TRUB1: variants seen among roughly 807,000 people sequenced by gnomAD.
TRUB1 encodes the protein pseudouridylate synthase TRUB1.
A neutral mutation model predicts 33.9 loss-of-function variants in TRUB1; 23 were observed. That is an observed-to-expected ratio of 0.68 (90% CI 0.49 to 0.96). The LOEUF is 0.96. Ranked by LOEUF, TRUB1 falls within the 40% of genes least tolerant of loss-of-function variation. TRUB1 has a pLI of 0.00. For missense variants in TRUB1, 378 were observed against 422.2 expected (o/e 0.90, Z 0.92); for synonymous variants, 163 against 165.4 (o/e 0.99, Z 0.11).
chr10:114,975,182 C>G lies in TRUB1; in HGVS notation c.853C>G (p.Leu285Val). 1 of 1,613,604 alleles carries G rather than the reference C, an allele frequency of 6.2e-7. No homozygotes were observed. Among genetic ancestry groups the G allele is most frequent in the Non-Finnish European group, 8.5e-7 (1 of 1,179,694 alleles). ...LTRTKQGPFT[L>V]EEHALPEDKW... ...CCGAACCAAACAGGGACCATTTACG[C>G]TAGAAGAACATGCCCTTCCTGAAGA... Residue 285 changes from leucine (L) to valine (V), a missense_variant, in exon 8 of 8, where the codon CTA becomes GTA. By Grantham distance (32) the Leu-to-Val change is conservative. Coordinates refer to ENST00000298746, the MANE Select transcript of TRUB1 (RefSeq NM_139169.5).
chr10:114,945,924 G>A (rs545954477), intron 2 of TRUB1, among the ~76,000 whole-genome samples: 1 of 152,278 alleles, frequency 6.6e-6, no homozygotes, highest in South Asian at 2.1e-4. Context: ...GGAATTTTAT[G>A]ATGATATAAT....
At chr10:114,946,285 T>C (rs1592048628) in intron 2 of TRUB1, among the ~76,000 whole-genome samples, 1 of 152,308 alleles carries the variant, frequency 6.6e-6, no homozygotes, top group East Asian at 1.9e-4. Flanking sequence ...AAAATACCTA[T>C]AGTATATAGA....
intron 4 of TRUB1, among the ~76,000 whole-genome samples, chr10:114,964,991 A>C (rs577479930): frequency 6.9e-6 from 1 of 145,432 alleles, no homozygotes; most frequent in African/African-American, 2.6e-5. Flanking sequence ...GTGCAGTAGC[A>C]CAATCTTGGC....
In TRUB1 at chr10:114,942,701, G is replaced by C. The variant is rs2084193773; in HGVS notation, c.343G>C (p.Gly115Arg). 6.2e-7 allele frequency: 1 copy of C among 1,613,932 alleles called. No individual in the cohort carries two copies. ...TKRKKQTLKI[G>R]HGGTLDSAAR... Reference sequence around the variant, plus strand: ...GAGGAAAAAGCAGACTTTGAAAATTGGGCATGGAGGGACTCTAGACAGCGC... The same window carrying C: ...GAGGAAAAAGCAGACTTTGAAAATTCGGCATGGAGGGACTCTAGACAGCGC... The change falls in exon 2 of 8, where the codon GGG (glycine) becomes CGG (arginine). Residue 115 changes from glycine (G) to arginine (R), a missense_variant. By Grantham distance (125) the Gly-to-Arg change is moderately radical. Transcript: ENST00000298746.
At chr10:114,952,236 C>T (rs1455107618) in intron 3 of TRUB1, among the ~76,000 whole-genome samples, 4 of 151,690 alleles carry the variant, frequency 2.6e-5, no homozygotes, top group Admixed American at 2.6e-4. Context: ...GTCAGGATTT[C>T]GAGACCAGCC....
chr10:114,972,390 A>G, intron 6 of TRUB1, 116 bp downstream of exon 6: 3 of 1,216,380 alleles, frequency 2.5e-6, no homozygotes, highest in South Asian at 3.2e-5. Flanking sequence ...TAAAATTTGA[A>G]TTTAAGGAAA....
chr10:114,956,726 T>G (rs760816135), intron 3 of TRUB1, among the ~76,000 whole-genome samples: 1 of 152,202 alleles, frequency 6.6e-6, no homozygotes, highest in Non-Finnish European at 1.5e-5. Context: ...TTTCAGAGAT[T>G]ACTAGATGTG....
At chr10:114,967,772 CG>C (rs1564701442) in intron 4 of TRUB1, among the ~76,000 whole-genome samples, 3 of 151,986 alleles carry the variant, frequency 2.0e-5, no homozygotes, top group African/African-American at 7.3e-5. Context: ...GTCATAAGAA[CG>C]ATTATTATTA....
rs994473227 is a variant in TRUB1 at position 114,977,651 on chromosome 10, A to C, written c.*2272A>C. The C allele has an allele frequency of 2.6e-5, 4 of 152,016 alleles. No individual in the cohort carries two copies. Among genetic ancestry groups the C allele is most frequent in the African/African-American group, 9.7e-5 (4 of 41,450 alleles). 9.4% of individuals were successfully genotyped at this position (152,016 alleles called of 1,614,324 possible). On this transcript the variant is annotated 3_prime_UTR_variant, in exon 8 of 8. Coordinates refer to ENST00000298746, the MANE Select transcript of TRUB1 (RefSeq NM_139169.5). ...ATCTGTATACTTTGTTCATTTATATAAATAAATGTCTTAATGGTTTCTATA... is the reference window on the plus strand; with the variant it reads ...ATCTGTATACTTTGTTCATTTATATCAATAAATGTCTTAATGGTTTCTATA...
At chr10:114,952,562 A>G (rs1287571467) in intron 3 of TRUB1, among the ~76,000 whole-genome samples, 1 of 152,218 alleles carries the variant, frequency 6.6e-6, no homozygotes, top group Non-Finnish European at 1.5e-5. Flanking sequence ...GATTGATTTT[A>G]AAAAGCCTCG....
chr10:114,974,233 A>G (rs781221928), intron 6 of TRUB1, 96 bp from the exon 7 acceptor site: 2 of 845,636 alleles, frequency 2.4e-6, no homozygotes, highest in Admixed American at 2.1e-5. Flanking sequence ...AATTGTTTGC[A>G]TAGTGCATTT....
chr10:114,976,303 T>A lies in TRUB1; in HGVS notation c.*924T>A, dbSNP rs1339508169. Reference sequence around the variant, plus strand: ...CTTACAGATGTTGAGATGGCTGCCCTGCATTTCCAGCTAATCTCTTCTGCT... The same window carrying A: ...CTTACAGATGTTGAGATGGCTGCCCAGCATTTCCAGCTAATCTCTTCTGCT... On this transcript the variant is annotated 3_prime_UTR_variant, in exon 8 of 8. Transcript: ENST00000298746. The A allele has an allele frequency of 1.3e-5, 2 of 152,184 alleles. No homozygotes were observed. The highest frequency in any genetic ancestry group is 2.4e-5 in the African/African-American group (1 of 41,456). The allele number at this position is 152,184 out of a possible 1,614,324, so 9.4% of individuals were successfully genotyped here. A position where few individuals can be genotyped will look rare whatever the true frequency, so the allele number is the denominator to read the frequency against.
chr10:114,968,537 TGC>T (rs879742879), intron 4 of TRUB1, among the ~76,000 whole-genome samples: 2,847 of 152,346 alleles, frequency 0.019, 79 homozygotes, highest in African/African-American at 0.063. Context: ...GTCTTAATGT[TGC>T]TGTAGACTAA....
intron 2 of TRUB1, 45 bp from the exon 3 acceptor site, chr10:114,951,049 G>T: frequency 6.5e-7 from 1 of 1,540,218 alleles, no homozygotes; most frequent in Non-Finnish European, 8.9e-7. Flanking sequence ...TAAAAACCTA[G>T]TTTTCAGAAC....
chr10:114,954,986 C>T (rs2084255796), intron 3 of TRUB1, among the ~76,000 whole-genome samples: 1 of 151,872 alleles, frequency 6.6e-6, no homozygotes, highest in Non-Finnish European at 1.5e-5. Context: ...AGAAAGCATG[C>T]CAGTTCTTTA....
intron 2 of TRUB1, among the ~76,000 whole-genome samples, chr10:114,943,303 G>A (rs556594433): frequency 4.6e-5 from 7 of 152,138 alleles, no homozygotes; most frequent in South Asian, 2.1e-4. Context: ...AGGCTGAGGC[G>A]CGTGGATCAC....
chr10:114,960,915 T>G (rs1191582858), intron 4 of TRUB1, among the ~76,000 whole-genome samples: 2 of 152,076 alleles, frequency 1.3e-5, no homozygotes, highest in African/African-American at 4.8e-5. Flanking sequence ...TATCTCTGAC[T>G]CCATTTACCA....
chr10:114,940,752 G>C (rs1436510650), intron 1 of TRUB1, among the ~76,000 whole-genome samples: 1 of 152,148 alleles, frequency 6.6e-6, no homozygotes, highest in Non-Finnish European at 1.5e-5. Flanking sequence ...TTACTCCAAG[G>C]GGTGTCAAGT....
chr10:114,970,964 G>A (rs75405781), intron 5 of TRUB1, among the ~76,000 whole-genome samples: 3,337 of 152,278 alleles, frequency 0.022, 154 homozygotes, highest in East Asian at 0.21. Flanking sequence ...AGTTTGGGCT[G>A]CAGTAACAAA....
Sources: allele counts gnomAD v4.1 joint callset (sites outside exome capture counted in the v4.1 genomes callset), GRCh38; gene constraint gnomAD v4.1.1; transcripts MANE v1.5; gene names NCBI Gene and HGNC (gene_info 2026-07-23, HGNC 2026-07-21).